CARMIL1: variants seen among roughly 807,000 people sequenced by gnomAD.
CARMIL1 encodes F-actin-uncapping protein LRRC16A.
In CARMIL1, 90 loss-of-function variants were observed where a neutral mutation model predicts 177.1. That is an observed-to-expected ratio of 0.51 (90% CI 0.43 to 0.61). The LOEUF (loss-of-function observed/expected upper bound fraction) is 0.61. Ranked by LOEUF, CARMIL1 falls within the 20% of genes least tolerant of loss-of-function variation. The pLI is 0.00. For synonymous variants in CARMIL1, 577 were observed against 606.2 expected (o/e 0.95, Z 0.71); for missense variants, 1,380 against 1,667.0 (o/e 0.83, Z 3.00).
intron 2 of CARMIL1, among the ~76,000 whole-genome samples, chr6:25,293,180 TTTTA>T (rs1312898568): frequency 6.6e-6 from 1 of 151,772 alleles, no homozygotes; most frequent in African/African-American, 2.4e-5. Flanking sequence ...CGTTACTGTG[TTTTA>T]TTTATTTTTT....
At chr6:25,373,415 G>C (rs549040123) in intron 2 of CARMIL1, among the ~76,000 whole-genome samples, 1 of 125,942 alleles carries the variant, frequency 7.9e-6, no homozygotes, top group Admixed American at 8.4e-5. Flanking sequence ...TTTTTGGTCT[G>C]TTCAGGATTT....
intron 2 of CARMIL1, among the ~76,000 whole-genome samples, chr6:25,396,503 A>G (rs904665459): frequency 1.3e-5 from 2 of 151,762 alleles, no homozygotes; most frequent in African/African-American, 4.8e-5. Flanking sequence ...CTGGGATTAC[A>G]GGCACCCACC....
chr6:25,497,669 C>T (rs968564878), intron 16 of CARMIL1, among the ~76,000 whole-genome samples: 6 of 152,162 alleles, frequency 3.9e-5, no homozygotes, highest in African/African-American at 1.2e-4. Flanking sequence ...TGCAGAAACC[C>T]TTGTTTCTCT....
At chr6:25,447,082 A>C (rs1325476615) in intron 5 of CARMIL1, among the ~76,000 whole-genome samples, 1 of 152,250 alleles carries the variant, frequency 6.6e-6, no homozygotes, top group Non-Finnish European at 1.5e-5. Flanking sequence ...TGTGAGAATT[A>C]CCAGAATGTG....
rs199737976 is a variant in CARMIL1, at chr6:25,279,756, G to T, written c.-40G>T. On this transcript the variant is annotated 5_prime_UTR_variant, in exon 1 of 37. Coordinates refer to ENST00000329474, the MANE Select transcript of CARMIL1 (RefSeq NM_017640.6). The stretch of plus-strand genomic sequence containing the variant: ...GGGAAGGGCAGGGGGCCATAAATCA[G>T]AGTTGGACCTGCAATAACCCCCACA... 1.0e-5 allele frequency: 16 copies of T among 1,607,200 alleles called. No homozygotes were observed. The highest frequency in any genetic ancestry group is 1.4e-5 in the Non-Finnish European group (16 of 1,173,790).
chr6:25,520,101 T>A (rs899213116), intron 22 of CARMIL1, 143 bp from the exon 23 acceptor site: 6 of 503,880 alleles, frequency 1.2e-5, no homozygotes, highest in African/African-American at 9.5e-5. Flanking sequence ...TAATCTGCAA[T>A]CTAGGGGCCT....
intron 2 of CARMIL1, among the ~76,000 whole-genome samples, chr6:25,293,714 C>CCCTCTTCCCTTCCCCCTT (rs1439019061): frequency 3.6e-4 from 55 of 151,918 alleles, no homozygotes; most frequent in Non-Finnish European, 7.7e-4. Flanking sequence ...CCCTTCCCTT[C>CCCTCTTCCCTTCCCCCTT]CCTCTTCCCT....
intron 36 of CARMIL1, among the ~76,000 whole-genome samples, chr6:25,615,653 T>G (rs1435508136): frequency 6.6e-6 from 1 of 152,226 alleles, no homozygotes; most frequent in Non-Finnish European, 1.5e-5. Context: ...GCCAGTGCTC[T>G]GCTCTACTTT....
chr6:25,485,216 T>C (rs1379986430), intron 12 of CARMIL1, among the ~76,000 whole-genome samples: 1 of 152,186 alleles, frequency 6.6e-6, no homozygotes, highest in Non-Finnish European at 1.5e-5. Context: ...CTGTCCCTTT[T>C]AGTGTGGTAA....
At chr6:25,522,716 A>G (rs762864795) in intron 23 of CARMIL1, among the ~76,000 whole-genome samples, 8 of 152,168 alleles carry the variant, frequency 5.3e-5, no homozygotes, top group Non-Finnish European at 7.4e-5. Context: ...TTATTCTCCT[A>G]ATGGTCTATG....
At chr6:25,403,139 C>G (rs1794037622) in intron 2 of CARMIL1, among the ~76,000 whole-genome samples, 2 of 150,748 alleles carry the variant, frequency 1.3e-5, no homozygotes, top group Non-Finnish European at 2.9e-5. Flanking sequence ...AACACAGTAC[C>G]TAGACCAATC....
rs1166997029 is a variant in CARMIL1, at chr6:25,408,292, T to TAAAAAAA, written c.139-11806_139-11800dup. On this transcript the variant is annotated intron_variant, in intron 2 of 36. Coordinates refer to ENST00000329474, the MANE Select transcript of CARMIL1 (RefSeq NM_017640.6). ...GACAGTAAAAGCCTGTCTCTTAAAA[T>TAAAAAAA]AAAAAAAAAAAAAAAAAAAAAAGAT... Among the ~76,000 whole-genome samples, 22 of 96,308 alleles carry TAAAAAAA rather than the reference T, an allele frequency of 2.3e-4. No homozygotes were observed. The East Asian group carries it at 3.1e-3, about 14-fold the overall frequency. The allele number at this position is 96,308 out of a possible 152,430, so 63.2% of individuals were successfully genotyped here. A position where few individuals can be genotyped will look rare whatever the true frequency, so the allele number is the denominator to read the frequency against.
chr6:25,527,577 A>C (rs1807276554), intron 23 of CARMIL1: 1 of 354,332 alleles, frequency 2.8e-6, no homozygotes, highest in East Asian at 9.2e-5. Context: ...TTGCATTGAT[A>C]GTCATGTCAC....
intron 3 of CARMIL1, chr6:25,420,415 G>T (rs1795751222): frequency 1.1e-5 from 5 of 445,930 alleles, no homozygotes; most frequent in Non-Finnish European, 1.6e-5. Context: ...TTACTCCTTT[G>T]TTCCCTCTCT....
At chr6:25,459,277 T>TCTTTCTTTCTTTCTTTCTTTC (rs1450322009) in intron 8 of CARMIL1, among the ~76,000 whole-genome samples, 9 of 139,594 alleles carry the variant, frequency 6.4e-5, no homozygotes, top group Admixed American at 7.7e-5. Context: ...TTTTTTTTTT[T>TCTTTCTTTCTTTCTTTCTTTC]TTTAAGACAG....
intron 27 of CARMIL1, among the ~76,000 whole-genome samples, chr6:25,552,941 A>T (rs1224601383): frequency 1.3e-5 from 2 of 152,146 alleles, no homozygotes; most frequent in Admixed American, 6.5e-5. Flanking sequence ...ATCAGTAGAC[A>T]CCTCTGGGGA....
In CARMIL1 at chr6:25,563,991, T is replaced by C. The variant is rs777921019; in HGVS notation, c.2742+7141T>C. The C allele has an allele frequency of 8.2e-4, 315 of 382,072 alleles. 6 individuals carry two copies. Among genetic ancestry groups the C allele is most frequent in the Non-Finnish European group, 1.3e-4 (36 of 278,638 alleles). The allele number at this position is 382,072 out of a possible 1,614,324, so 23.7% of individuals were successfully genotyped here. ...AAAATGATCTGACATAAAGTATGAA[T>C]ATATTTTGTATCATATTAAGTATCA... On this transcript the variant is annotated intron_variant, in intron 29 of 36. Coordinates refer to ENST00000329474, the MANE Select transcript of CARMIL1 (RefSeq NM_017640.6).
At chr6:25,352,449 A>T (rs1562023407) in intron 2 of CARMIL1, among the ~76,000 whole-genome samples, 1 of 152,136 alleles carries the variant, frequency 6.6e-6, no homozygotes, top group Non-Finnish European at 1.5e-5. Context: ...TGTGTAAGTT[A>T]ACTACTAGAG....
chr6:25,384,582 A>G (rs1375271607), intron 2 of CARMIL1, among the ~76,000 whole-genome samples: 2 of 152,224 alleles, frequency 1.3e-5, no homozygotes, highest in African/African-American at 2.4e-5. Flanking sequence ...GTATGCCCAC[A>G]TGGCACTGTA....
Sources: gnomAD v4.1 joint callset for allele counts (sites outside exome capture counted in the v4.1 genomes callset) on GRCh38, gnomAD v4.1.1 for gene constraint, MANE v1.5 for transcripts, NCBI Gene and HGNC (gene_info 2026-07-23, HGNC 2026-07-21) for gene names.